NINJ1: variants seen among roughly 807,000 people sequenced by gnomAD.
The protein encoded by NINJ1 is ninjurin-1.
A neutral mutation model predicts 12.7 loss-of-function variants in NINJ1; 6 were observed. The ratio of observed to expected loss-of-function variants is 0.47; its 90% CI spans 0.26 to 0.93. The LOEUF (loss-of-function observed/expected upper bound fraction) is 0.93. Among genes scored for constraint, NINJ1 ranks in the 40% least tolerant of loss-of-function variants. NINJ1 has a pLI of 0.15. For missense variants in NINJ1, 170 were observed against 213.0 expected (o/e 0.80, Z 1.26); for synonymous variants, 100 against 96.0 (o/e 1.04, Z -0.25).
intron 3 of NINJ1, among the ~76,000 whole-genome samples, chr9:93,123,287 A>T (rs1564218009): frequency 6.8e-6 from 1 of 146,678 alleles, no homozygotes; most frequent in Non-Finnish European, 1.5e-5. Context: ...CTCTTGGGGA[A>T]TTTTTTTTTT....
At chr9:93,129,476 G>A (rs569052775) in intron 1 of NINJ1, among the ~76,000 whole-genome samples, 42 of 152,286 alleles carry the variant, frequency 2.8e-4, no homozygotes, top group Middle Eastern at 3.4e-3. Flanking sequence ...CAGCCCATCC[G>A]GCCATCTGCT....
At chr9:93,131,071 A>G (rs561248125) in intron 1 of NINJ1, among the ~76,000 whole-genome samples, 1 of 152,284 alleles carries the variant, frequency 6.6e-6, no homozygotes, top group Non-Finnish European at 1.5e-5. Flanking sequence ...TGTCTGACCC[A>G]CCAGTGTGGG....
chr9:93,123,443 C>T (rs36034699), intron 3 of NINJ1, among the ~76,000 whole-genome samples: 23,071 of 152,206 alleles, frequency 0.15, 1,898 homozygotes, highest in African/African-American at 0.19. Context: ...CGCCATCACG[C>T]CTGGCTAATT....
chr9:93,123,181 G>T (rs1564217972), intron 3 of NINJ1, among the ~76,000 whole-genome samples: 1 of 149,444 alleles, frequency 6.7e-6, no homozygotes, highest in African/African-American at 2.6e-5. Context: ...GCGGTCACTC[G>T]TTGGCCCCCG....
At chr9:93,123,959 A>C (rs771083567) in intron 3 of NINJ1, among the ~76,000 whole-genome samples, 1 of 152,206 alleles carries the variant, frequency 6.6e-6, no homozygotes, top group Non-Finnish European at 1.5e-5. Flanking sequence ...GTCTTCCTAC[A>C]CTGGGTGCCT....
chr9:93,124,126 G>T (rs140479216), intron 3 of NINJ1, among the ~76,000 whole-genome samples: 3 of 152,362 alleles, frequency 2.0e-5, no homozygotes, highest in African/African-American at 7.2e-5. Flanking sequence ...GTCCTGGTCA[G>T]AGTGGCACAG....
intron 3 of NINJ1, among the ~76,000 whole-genome samples, chr9:93,124,167 C>G (rs1406949239): frequency 1.3e-5 from 2 of 152,188 alleles, no homozygotes; most frequent in Non-Finnish European, 2.9e-5. Context: ...GGCGGTCATA[C>G]CAAGGTCCCT....
Position 93,134,117 on chromosome 9 carries a change from A to G in NINJ1, c.75+26T>C, listed in dbSNP as rs752947922. 5 of 1,525,872 alleles carry G rather than the reference A, an allele frequency of 3.3e-6. No individual in the cohort carries two copies. The African/African-American group carries it at 5.6e-5, about 17-fold the overall frequency. 94.5% of individuals were successfully genotyped at this position (1,525,872 alleles called of 1,614,324 possible). On this transcript the variant is annotated intron_variant, in intron 1 of 3. Transcript: ENST00000375446. ...CGAAAGGACAGGGCCTGGCAAGATCATGCAGCGGTGGGGGGAAGGTCTTAC... is the reference window on the plus strand; with the variant it reads ...CGAAAGGACAGGGCCTGGCAAGATCGTGCAGCGGTGGGGGGAAGGTCTTAC...
At chr9:93,129,900 G>T (rs889053221) in intron 1 of NINJ1, among the ~76,000 whole-genome samples, 1 of 152,174 alleles carries the variant, frequency 6.6e-6, no homozygotes, top group Non-Finnish European at 1.5e-5. Flanking sequence ...CACCACACAG[G>T]AGGGTCCCAG....
At chr9:93,132,104 C>T (rs1028861614) in intron 1 of NINJ1, among the ~76,000 whole-genome samples, 2 of 152,022 alleles carry the variant, frequency 1.3e-5, no homozygotes, top group South Asian at 2.1e-4. Context: ...TGGCAGGCAC[C>T]GCGACCACAC....
At chr9:93,124,738 C>T (rs573773828) in intron 3 of NINJ1, among the ~76,000 whole-genome samples, 161 bp downstream of exon 3, 1 of 152,326 alleles carries the variant, frequency 6.6e-6, no homozygotes, top group South Asian at 2.1e-4. Flanking sequence ...GGGCTGGCCT[C>T]AAGGCAGTGG....
At chr9:93,122,902 A>T (rs1446449510) in intron 3 of NINJ1, among the ~76,000 whole-genome samples, 1 of 152,252 alleles carries the variant, frequency 6.6e-6, no homozygotes, top group East Asian at 1.9e-4. Context: ...CAGCACACAC[A>T]GCAGGTGATT....
intron 1 of NINJ1, 25 bp downstream of exon 1, chr9:93,134,118 T>G (rs1041619607): frequency 6.5e-7 from 1 of 1,526,978 alleles, no homozygotes; most frequent in South Asian, 1.2e-5. Flanking sequence ...GGCAAGATCA[T>G]GCAGCGGTGG....
chr9:93,131,476 G>GCTAC (rs1034921892), intron 1 of NINJ1: 2 of 152,260 alleles, frequency 1.3e-5, no homozygotes, highest in Non-Finnish European at 2.9e-5. Context: ...ACAGGGCACA[G>GCTAC]CTACCTACCT....
rs1234129757 is a variant in NINJ1, at chr9:93,124,979, CGAT to C, written c.385_387del (p.Ile129del). ...GCCGTGATGAAGATGTTGACTACCA[CGAT>C]GATGAACACCAGGCCCGTGGCCAGG... On this transcript the variant is annotated inframe_deletion, in exon 3 of 4. Coordinates refer to ENST00000375446, the MANE Select transcript of NINJ1 (RefSeq NM_004148.4). The C allele has an allele frequency of 3.1e-6, 5 of 1,614,114 alleles. No homozygotes were observed. Among genetic ancestry groups the C allele is most frequent in the Non-Finnish European group, 4.2e-6 (5 of 1,179,960 alleles).
At chr9:93,125,196 A>G in intron 2 of NINJ1, 134 bp from the exon 3 acceptor site, 1 of 860,856 alleles carries the variant, frequency 1.2e-6, no homozygotes, top group South Asian at 2.0e-5. Flanking sequence ...CGCATTTAGG[A>G]TGAGTTTTGT....
chr9:93,126,056 G>C, intron 2 of NINJ1: 2 of 271,316 alleles, frequency 7.4e-6, no homozygotes, highest in Non-Finnish European at 1.4e-5. Flanking sequence ...AATTAGCCGG[G>C]CATGGTGATG....
At chr9:93,133,417 G>A (rs1403822877) in intron 1 of NINJ1, among the ~76,000 whole-genome samples, 2 of 152,250 alleles carry the variant, frequency 1.3e-5, no homozygotes, top group African/African-American at 4.8e-5. Context: ...CCAGGACCTT[G>A]CAACAAACAC....
At chr9:93,128,421 G>A (rs1827843888) in intron 1 of NINJ1, among the ~76,000 whole-genome samples, 1 of 152,228 alleles carries the variant, frequency 6.6e-6, no homozygotes, top group African/African-American at 2.4e-5. Flanking sequence ...CCAGGACTGT[G>A]TGTCCCTGTC....
Sources: gnomAD v4.1 joint callset for allele counts (sites outside exome capture counted in the v4.1 genomes callset) on GRCh38, gnomAD v4.1.1 for gene constraint, MANE v1.5 for transcripts, NCBI Gene and HGNC (gene_info 2026-07-23, HGNC 2026-07-21) for gene names.